The following FARP1 variants were observed in gnomAD, a reference collection of about 807,000 sequenced individuals.
The protein encoded by FARP1 is FERM, ARH/RhoGEF and pleckstrin domain protein 1.
Under a neutral mutation model 128.8 loss-of-function variants are expected in FARP1, and 52 were observed. That is an observed-to-expected ratio of 0.40 (90% CI 0.32 to 0.51). The LOEUF (loss-of-function observed/expected upper bound fraction) is 0.51. Ranked by LOEUF, FARP1 falls within the 20% of genes least tolerant of loss-of-function variation. FARP1 has a pLI of 0.45. For missense variants in FARP1, 1,333 were observed against 1,367.9 expected, an observed-to-expected ratio of 0.97 and a Z score of 0.40; for synonymous variants, 580 against 551.8, an observed-to-expected ratio of 1.05 and a Z score of -0.72.
chr13:98,278,288 ATGTATGTGTG>A (rs1884764140), intron 2 of FARP1, among the ~76,000 whole-genome samples: 1 of 144,828 alleles, frequency 6.9e-6, no homozygotes, highest in Admixed American at 6.7e-5. Context: ...GAATGTGTGT[ATGTATGTGTG>A]TGTGTGTGAG....
chr13:98,183,438 A>AT (rs1326845892), intron 1 of FARP1, among the ~76,000 whole-genome samples: 4 of 151,940 alleles, frequency 2.6e-5, no homozygotes, highest in African/African-American at 9.7e-5. Flanking sequence ...ATGGAGGACT[A>AT]TTTTTTCTGA....
intron 13 of FARP1, chr13:98,399,933 C>G (rs1307796504): frequency 2.0e-5 from 3 of 152,174 alleles, no homozygotes; most frequent in Non-Finnish European, 4.4e-5. Flanking sequence ...AGCTCCAGAA[C>G]TCAAAATAAA....
intron 2 of FARP1, among the ~76,000 whole-genome samples, chr13:98,223,651 T>C (rs1304482224): frequency 6.6e-6 from 1 of 152,186 alleles, no homozygotes; most frequent in East Asian, 1.9e-4. Flanking sequence ...TTGTTTTTTA[T>C]CACAAAGAAT....
At chr13:98,314,177 T>C (rs1348799172) in intron 2 of FARP1, among the ~76,000 whole-genome samples, 2 of 152,124 alleles carry the variant, frequency 1.3e-5, no homozygotes, top group Non-Finnish European at 2.9e-5. Context: ...TAAGTCACAT[T>C]CTTCTTGGTG....
At chr13:98,333,478 CAAAAT>C (rs1018444331) in intron 2 of FARP1, 4 of 148,270 alleles carry the variant, frequency 2.7e-5, no homozygotes, top group Admixed American at 6.8e-5. Flanking sequence ...CACACACACA[CAAAAT>C]CTATCTTTGC....
At chr13:98,407,154 C>T (rs1198500228) in intron 13 of FARP1, 2 of 152,662 alleles carry the variant, frequency 1.3e-5, no homozygotes, top group African/African-American at 2.4e-5. Flanking sequence ...TTATAACTGC[C>T]TCACCCGATC....
intron 2 of FARP1, among the ~76,000 whole-genome samples, chr13:98,314,370 C>T (rs1319301054): frequency 6.7e-6 from 1 of 149,834 alleles, no homozygotes; most frequent in Non-Finnish European, 1.5e-5. Context: ...ACCTCCGTCT[C>T]CCGGGTTCAA....
intron 8 of FARP1, among the ~76,000 whole-genome samples, chr13:98,386,208 T>TTTTC (rs1555342699): frequency 0.2 from 29,373 of 145,966 alleles, 3,072 homozygotes; most frequent in African/African-American, 0.28. Context: ...TTTTTTTTTT[T>TTTTC]CAAACACAGT....
intron 2 of FARP1, among the ~76,000 whole-genome samples, chr13:98,292,295 C>T (rs540319835): frequency 5.3e-5 from 8 of 152,292 alleles, no homozygotes; most frequent in Admixed American, 2.6e-4. Context: ...ATTTGCTTCC[C>T]GTTTGTCCAG....
intron 2 of FARP1, among the ~76,000 whole-genome samples, chr13:98,233,321 G>A (rs989466310): frequency 4.6e-5 from 7 of 152,234 alleles, no homozygotes; most frequent in South Asian, 4.2e-4. Context: ...TGTCAGCCAG[G>A]CTGGTTAACT....
At chr13:98,148,022 T>C (rs894328273) in intron 1 of FARP1, among the ~76,000 whole-genome samples, 1 of 152,194 alleles carries the variant, frequency 6.6e-6, no homozygotes, top group Non-Finnish European at 1.5e-5. Flanking sequence ...TTCATTTCAT[T>C]CTAATTTAGC....
At chr13:98,419,223 C>T (rs1211774299) in intron 16 of FARP1, among the ~76,000 whole-genome samples, 1 of 152,130 alleles carries the variant, frequency 6.6e-6, no homozygotes, top group African/African-American at 2.4e-5. Context: ...CCTATAATCC[C>T]AGCACTTTGG....
In FARP1 at chr13:98,268,778, TTGTGTGTGTG is replaced by T. The variant is rs59132299; in HGVS notation, c.171+55397_171+55406del. ...CTACTGCATCTGGCCTTTCCCTTCTTTGTGTGTGTGTGTGTGTGTGTGTGTGTGTGTGTGT... is the reference window on the plus strand; with the variant it reads ...CTACTGCATCTGGCCTTTCCCTTCTTTGTGTGTGTGTGTGTGTGTGTGTGT... On this transcript the variant is annotated intron_variant, in intron 2 of 26. Coordinates refer to ENST00000319562, the MANE Select transcript of FARP1 (RefSeq NM_005766.4). Among the ~76,000 whole-genome samples the T allele has an allele frequency of 9.0e-3, 1,335 of 148,262 alleles. 12 individuals are homozygous for T. Among genetic ancestry groups the T allele is most frequent in the African/African-American group, 0.026 (1,035 of 40,298 alleles).
chr13:98,300,294 T>A (rs1041837352), intron 2 of FARP1, among the ~76,000 whole-genome samples: 6 of 152,126 alleles, frequency 3.9e-5, no homozygotes, highest in African/African-American at 1.4e-4. Flanking sequence ...CACTTAGAGG[T>A]CACTGGGAAC....
At chr13:98,165,709 GGTTTTT>G (rs1877202809) in intron 1 of FARP1, among the ~76,000 whole-genome samples, 1 of 102,406 alleles carries the variant, frequency 9.8e-6, no homozygotes, top group African/African-American at 3.4e-5. Context: ...TTCCAGAAGG[GGTTTTT>G]TTTTTTTTTT....
chr13:98,215,054 T>C (rs186089737), intron 2 of FARP1, among the ~76,000 whole-genome samples: 36 of 152,312 alleles, frequency 2.4e-4, no homozygotes, highest in African/African-American at 7.9e-4. Context: ...ATGCTGCTCT[T>C]GTGTGCACTC....
chr13:98,274,961 G>C (rs1204676463), intron 2 of FARP1, among the ~76,000 whole-genome samples: 1 of 152,154 alleles, frequency 6.6e-6, no homozygotes, highest in Non-Finnish European at 1.5e-5. Flanking sequence ...CTATCTGTTT[G>C]TTCCTAAAGT....
At chr13:98,377,609 A>G (rs1445922815) in intron 5 of FARP1, among the ~76,000 whole-genome samples, 1 of 152,194 alleles carries the variant, frequency 6.6e-6, no homozygotes, top group African/African-American at 2.4e-5. Flanking sequence ...GAAACATATT[A>G]TTCATACTGT....
At chr13:98,251,697 G>GA (rs945439645) in intron 2 of FARP1, among the ~76,000 whole-genome samples, 5 of 147,240 alleles carry the variant, frequency 3.4e-5, no homozygotes, top group Admixed American at 6.8e-5. Flanking sequence ...AAAAAAAAAA[G>GA]AAAAAAAAGT....
Sources: gnomAD v4.1 joint callset for allele counts (sites outside exome capture counted in the v4.1 genomes callset) on GRCh38, gnomAD v4.1.1 for gene constraint, MANE v1.5 for transcripts, NCBI Gene and HGNC (gene_info 2026-07-23, HGNC 2026-07-21) for gene names.